The following RAP1B variants were observed in gnomAD, a reference collection of about 807,000 sequenced individuals.
RAP1B encodes ras-related protein Rap-1b.
Under a neutral mutation model 27.5 loss-of-function variants are expected in RAP1B, and 1 was observed. The ratio of observed to expected loss-of-function variants is 0.04; its 90% CI spans 0.01 to 0.17. The LOEUF (loss-of-function observed/expected upper bound fraction) is 0.17, where lower values mean the gene tolerates loss of function less well. RAP1B is among the 10% of genes least tolerant of loss of function. The pLI is 1.00. For synonymous variants in RAP1B, 75 were observed against 73.1 expected (o/e 1.03, Z -0.13); for missense variants, 84 against 214.8 (o/e 0.39, Z 3.81).
chr12:68,622,351 A>C (rs751729927), intron 1 of RAP1B, among the ~76,000 whole-genome samples: 25 of 152,220 alleles, frequency 1.6e-4, no homozygotes, highest in Non-Finnish European at 7.3e-5. Flanking sequence ...CCTTTTTAAA[A>C]ATGTAAATCA....
rs966289176 is a variant in RAP1B at position 68,660,720 on chromosome 12, A to G, written c.*1471A>G. The stretch of plus-strand genomic sequence containing the variant: ...CTGGTATTGTTTGAATATCCACATA[A>G]CCACCTTTTGAACTTTTCCTTGAGA... On this transcript the variant is annotated 3_prime_UTR_variant, in exon 8 of 8. Transcript: ENST00000250559. The G allele has an allele frequency of 2.6e-5, 4 of 152,186 alleles. No individual in the cohort carries two copies. Among genetic ancestry groups the G allele is most frequent in the African/African-American group, 9.7e-5 (4 of 41,436 alleles). The allele number at this position is 152,186 out of a possible 1,614,324, so 9.4% of individuals were successfully genotyped here.
At chr12:68,617,235 A>G (rs551799826) in intron 1 of RAP1B, among the ~76,000 whole-genome samples, 13 of 152,328 alleles carry the variant, frequency 8.5e-5, no homozygotes, top group African/African-American at 2.9e-4. Context: ...TATGCGCCAA[A>G]AGGTATGTAT....
chr12:68,639,692 A>G (rs1188536210), intron 1 of RAP1B, among the ~76,000 whole-genome samples: 2 of 152,196 alleles, frequency 1.3e-5, no homozygotes, highest in East Asian at 1.9e-4. Flanking sequence ...TTTTGTACAT[A>G]TTGAAAAACA....
intron 1 of RAP1B, chr12:68,624,802 G>A (rs1164985347): frequency 1.3e-5 from 2 of 152,366 alleles, no homozygotes; most frequent in East Asian, 3.8e-4. Flanking sequence ...GCGACAGAGT[G>A]AGACTCCGTC....
At chr12:68,643,593 TTACC>T (rs1393199178) in intron 1 of RAP1B, among the ~76,000 whole-genome samples, 1 of 152,328 alleles carries the variant, frequency 6.6e-6, no homozygotes, top group African/African-American at 2.4e-5. Flanking sequence ...TCTTTTATGC[TTACC>T]TGTTTGTTTC....
At chr12:68,639,688 A>C (rs189737357) in intron 1 of RAP1B, among the ~76,000 whole-genome samples, 2 of 152,300 alleles carry the variant, frequency 1.3e-5, no homozygotes, top group African/African-American at 4.8e-5. Flanking sequence ...GGCATTTTGT[A>C]CATATTGAAA....
rs1344233115 is a variant in RAP1B at position 68,670,721 on chromosome 12, C to T, written c.*11472C>T. The T allele has an allele frequency of 1.3e-5, 2 of 152,016 alleles. No homozygotes were observed. The highest frequency in any genetic ancestry group is 2.9e-5 in the Non-Finnish European group (2 of 67,998). The allele number at this position is 152,016 out of a possible 1,614,324, so 9.4% of individuals were successfully genotyped here. A position where few individuals can be genotyped will look rare whatever the true frequency, so the allele number is the denominator to read the frequency against. ...CAAAGTCAAATTTGGGAAAGTATAG[C>T]ACAGATAAAAGATTAAACTATTCAC... On this transcript the variant is annotated 3_prime_UTR_variant, in exon 8 of 8. Transcript: ENST00000250559.
At chr12:68,640,954 C>G (rs943665794) in intron 1 of RAP1B, 3 of 152,128 alleles carry the variant, frequency 2.0e-5, no homozygotes, top group Admixed American at 6.5e-5. Flanking sequence ...TTAATAATCT[C>G]CGGTTAATGA....
rs1874207778 is a variant in RAP1B at position 68,656,413 on chromosome 12, A to G, written c.432A>G (p.Leu144=). ...LARQWNNCAF[L]ESSAKSKINV... ...GACAATGGAACAACTGTGCATTCTT[A>G]GAATCTTCTGCAAAATCAAAAATAA... The change falls in exon 6 of 8, where the codon TTA becomes TTG. Residue 144 remains leucine (L), a synonymous_variant. Coordinates refer to ENST00000250559, the MANE Select transcript of RAP1B (RefSeq NM_001010942.3). The G allele has an allele frequency of 1.9e-6, 3 of 1,611,430 alleles. No individual in the cohort carries two copies. The highest frequency in any genetic ancestry group is 1.7e-5 in the Admixed American group (1 of 59,992).
At position 68,662,517 on chromosome 12, in the gene RAP1B, CT is replaced by C. The variant is rs1874655620; in HGVS notation, c.*3271del. 6.6e-6 allele frequency: 1 copy of C among 151,400 alleles called. No individual in the cohort carries two copies. The highest frequency in any genetic ancestry group is 1.5e-5 in the Non-Finnish European group (1 of 67,866). 9.4% of individuals were successfully genotyped at this position (151,400 alleles called of 1,614,324 possible). On this transcript the variant is annotated 3_prime_UTR_variant, in exon 8 of 8. Transcript: ENST00000250559. ...CGTTTTTTTTTTTAAATCATTCCGT[CT>C]TTAGTTGTGGGACAGCAAACTTAGA...
rs1160382566 is a variant in RAP1B at position 68,650,271 on chromosome 12, T to A, written c.58-129T>A. On this transcript the variant is annotated intron_variant, in intron 2 of 7. Coordinates refer to ENST00000250559, the MANE Select transcript of RAP1B (RefSeq NM_001010942.3). ...CTTACCAAATGTACACATTCGAATG[T>A]AGTATTGGCTGTGGTTTTTTTTTTC... The A allele has an allele frequency of 7.6e-6, 6 of 787,322 alleles. No homozygotes were observed. In the East Asian group the frequency reaches 2.1e-4, roughly 27 times the overall value. The allele number at this position is 787,322 out of a possible 1,614,324, so 48.8% of individuals were successfully genotyped here. A position where few individuals can be genotyped will look rare whatever the true frequency, so the allele number is the denominator to read the frequency against.
At chr12:68,611,562 G>A (rs555569181) in intron 1 of RAP1B, among the ~76,000 whole-genome samples, 6 of 152,224 alleles carry the variant, frequency 3.9e-5, no homozygotes, top group Admixed American at 2.6e-4. Context: ...CTAGGGCGAG[G>A]AGCCTTCGGG....
intron 1 of RAP1B, among the ~76,000 whole-genome samples, chr12:68,641,592 C>G (rs1459712345): frequency 6.6e-6 from 1 of 152,106 alleles, no homozygotes; most frequent in Non-Finnish European, 1.5e-5. Context: ...AGTGTAAAAG[C>G]TGTCAGTTAC....
chr12:68,652,347 G>T (rs1211401818), intron 4 of RAP1B, among the ~76,000 whole-genome samples: 1 of 152,092 alleles, frequency 6.6e-6, no homozygotes, highest in Non-Finnish European at 1.5e-5. Context: ...TCAGGAGGCT[G>T]AGGCAGGAGA....
chr12:68,648,838 A>C lies in RAP1B; in HGVS notation c.57+57A>C, dbSNP rs115962083. 420 of 1,465,998 alleles carry C rather than the reference A, an allele frequency of 2.9e-4. 3 individuals carry two copies. The African/African-American group carries it at 5.7e-3, about 20-fold the overall frequency. The allele number at this position is 1,465,998 out of a possible 1,614,324, so 90.8% of individuals were successfully genotyped here. A position where few individuals can be genotyped will look rare whatever the true frequency, so the allele number is the denominator to read the frequency against. ...ACTCCAAGACGTTCTTTTTCTGTTG[A>C]GTTTTAGGTTTTGATGATTTGTCTT... On this transcript the variant is annotated intron_variant, in intron 2 of 7. Transcript: ENST00000250559.
At chr12:68,631,526 C>T (rs1301372201) in intron 1 of RAP1B, among the ~76,000 whole-genome samples, 1 of 152,146 alleles carries the variant, frequency 6.6e-6, no homozygotes, top group Non-Finnish European at 1.5e-5. Flanking sequence ...CAGAGATCTC[C>T]TTAATCTTAA....
chr12:68,635,600 C>T lies in RAP1B; in HGVS notation c.-26-13099C>T, dbSNP rs566045181. Among the ~76,000 whole-genome samples the T allele has an allele frequency of 7.9e-5, 12 of 152,148 alleles. No individual in the cohort carries two copies. In the South Asian group the frequency reaches 1.9e-3, roughly 24 times the overall value. On this transcript the variant is annotated intron_variant, in intron 1 of 7. Coordinates refer to ENST00000250559, the MANE Select transcript of RAP1B (RefSeq NM_001010942.3). ...CCTCCCTAATAGCTGGGATTACAGG[C>T]GCCCGCCACCTCACCCAGCCAATTT...
At chr12:68,636,634 T>G (rs1382456218) in intron 1 of RAP1B, among the ~76,000 whole-genome samples, 2 of 152,126 alleles carry the variant, frequency 1.3e-5, no homozygotes, top group Non-Finnish European at 2.9e-5. Flanking sequence ...TGCTGTGTTG[T>G]CCAGAATAGT....
At chr12:68,623,111 G>A (rs191734048) in intron 1 of RAP1B, among the ~76,000 whole-genome samples, 7 of 152,334 alleles carry the variant, frequency 4.6e-5, no homozygotes, top group African/African-American at 7.2e-5. Context: ...GTTATTGAAA[G>A]CTAATTGTTC....
Sources: gnomAD v4.1 joint callset for allele counts (sites outside exome capture counted in the v4.1 genomes callset) on GRCh38, gnomAD v4.1.1 for gene constraint, MANE v1.5 for transcripts, NCBI Gene and HGNC (gene_info 2026-07-23, HGNC 2026-07-21) for gene names.